The following ARFGEF2 variants were observed in gnomAD, a reference collection of about 807,000 sequenced individuals.
ARFGEF2 encodes brefeldin A-inhibited guanine nucleotide-exchange protein 2.
ARFGEF2 carries 74 observed loss-of-function variants against 219.9 expected under a neutral mutation model. That is an observed-to-expected ratio of 0.34 (90% CI 0.28 to 0.41). ARFGEF2 has a LOEUF of 0.41. Ranked by LOEUF, ARFGEF2 falls within the 10% of genes least tolerant of loss-of-function variation. ARFGEF2 has a pLI of 1.00. For missense variants in ARFGEF2, 1,743 were observed against 2,218.3 expected, an observed-to-expected ratio of 0.79 and a Z score of 4.30; for synonymous variants, 733 against 799.2, an observed-to-expected ratio of 0.92 and a Z score of 1.40.
At chr20:49,007,586 G>C (rs1415200996) in intron 26 of ARFGEF2, among the ~76,000 whole-genome samples, 1 of 142,210 alleles carries the variant, frequency 7.0e-6, no homozygotes, top group Non-Finnish European at 1.5e-5. Context: ...GCCACACCTG[G>C]TGTTGCTTTT....
Position 49,017,234 on chromosome 20 carries a change from T to C in ARFGEF2, c.4316-15T>C, listed in dbSNP as rs1232943893. The stretch of plus-strand genomic sequence containing the variant: ...GCAGTAGAAGTTTAATGATAGATAC[T>C]GCTTTATTTTACAGATAATGAACAG... On this transcript the variant is annotated splice_polypyrimidine_tract_variant and intron_variant, in intron 31 of 38. Transcript: ENST00000371917. 1 of 1,613,472 alleles carries C rather than the reference T, an allele frequency of 6.2e-7. No individual in the cohort carries two copies. The highest frequency in any genetic ancestry group is 8.5e-7 in the Non-Finnish European group (1 of 1,179,876).
At chr20:48,924,888 T>C (rs941610971) in intron 1 of ARFGEF2, among the ~76,000 whole-genome samples, 5 of 152,302 alleles carry the variant, frequency 3.3e-5, no homozygotes, top group African/African-American at 7.2e-5. Context: ...TTAATTGACA[T>C]GTGCAAAAAA....
intron 22 of ARFGEF2, 73 bp downstream of exon 22, chr20:48,994,671 T>G: frequency 6.3e-7 from 1 of 1,588,746 alleles, no homozygotes; most frequent in Non-Finnish European, 8.5e-7. Context: ...TCTTGTCTCA[T>G]CAGGACTGTC....
intron 1 of ARFGEF2, among the ~76,000 whole-genome samples, chr20:48,935,940 G>GGA (rs1268479926): frequency 7.3e-6 from 1 of 137,482 alleles, no homozygotes; most frequent in Non-Finnish European, 1.6e-5. Flanking sequence ...GGCTGGCCGG[G>GGA]GGGGGGGGCT....
chr20:48,970,085 C>T (rs796887715), intron 9 of ARFGEF2, among the ~76,000 whole-genome samples: 7 of 152,152 alleles, frequency 4.6e-5, no homozygotes, highest in South Asian at 4.1e-4. Context: ...GAGGCCAAGG[C>T]GGGTGGATCA....
Position 49,036,119 on chromosome 20 carries a change from G to A in ARFGEF2, c.*2920G>A. ...TGACCATCTCATTCAAATGTTTGTT[G>A]TTATGATGCAAATGGATATTGGTTT... On this transcript the variant is annotated 3_prime_UTR_variant, in exon 39 of 39. Coordinates refer to ENST00000371917, the MANE Select transcript of ARFGEF2 (RefSeq NM_006420.3). The A allele has an allele frequency of 2.5e-6, 1 of 398,160 alleles. No individual in the cohort carries two copies. Among genetic ancestry groups the A allele is most frequent in the Non-Finnish European group, 4.4e-6 (1 of 225,886 alleles). 24.7% of individuals were successfully genotyped at this position (398,160 alleles called of 1,614,324 possible).
chr20:48,971,510 TGGGCAG>T (rs142369993), intron 10 of ARFGEF2, among the ~76,000 whole-genome samples, 156 bp downstream of exon 10: 1 of 152,260 alleles, frequency 6.6e-6, no homozygotes, highest in African/African-American at 2.4e-5. Flanking sequence ...AACTCAGAAG[TGGGCAG>T]GGGCAGGGAG....
At chr20:48,996,415 A>G (rs994776622) in intron 23 of ARFGEF2, among the ~76,000 whole-genome samples, 1 of 147,266 alleles carries the variant, frequency 6.8e-6, no homozygotes, top group Non-Finnish European at 1.5e-5. Flanking sequence ...AGATGGTGCC[A>G]CTGCACTCTA....
chr20:49,016,516 A>G, intron 31 of ARFGEF2, 101 bp downstream of exon 31: 1 of 1,328,576 alleles, frequency 7.5e-7, no homozygotes, highest in Non-Finnish European at 1.1e-6. Context: ...CATGGAGTAC[A>G]ATATATAATT....
intron 21 of ARFGEF2, among the ~76,000 whole-genome samples, chr20:48,993,198 T>C (rs1392940082): frequency 6.6e-6 from 1 of 152,230 alleles, no homozygotes; most frequent in African/African-American, 2.4e-5. Context: ...AATATGAGGT[T>C]CCTGCTGCCA....
chr20:48,999,220 G>A (rs1292121466), intron 25 of ARFGEF2: 13 of 447,206 alleles, frequency 2.9e-5, no homozygotes, highest in East Asian at 7.2e-5. Flanking sequence ...CCTGGGTAAC[G>A]GAGCAAGACT....
chr20:48,968,525 C>G (rs1000591685), intron 8 of ARFGEF2, among the ~76,000 whole-genome samples: 5 of 151,906 alleles, frequency 3.3e-5, no homozygotes, highest in South Asian at 4.1e-4. Context: ...GTCTTAGCCT[C>G]CCAAGAAGCT....
At chr20:48,993,877 C>T (rs2091371252) in intron 21 of ARFGEF2, among the ~76,000 whole-genome samples, 1 of 152,148 alleles carries the variant, frequency 6.6e-6, no homozygotes, top group East Asian at 1.9e-4. Context: ...CTTAAGTGTT[C>T]AGCAGTGAAC....
At chr20:49,026,873 A>G (rs926307076) in intron 36 of ARFGEF2, among the ~76,000 whole-genome samples, 2 of 152,082 alleles carry the variant, frequency 1.3e-5, no homozygotes, top group Admixed American at 1.3e-4. Flanking sequence ...GGCATGAGCC[A>G]CTGCACCTGG....
intron 2 of ARFGEF2, among the ~76,000 whole-genome samples, chr20:48,941,536 T>C (rs1052966105): frequency 1.3e-5 from 2 of 152,186 alleles, no homozygotes; most frequent in African/African-American, 4.8e-5. Flanking sequence ...TCCTTAGGCA[T>C]GAGGACAGCT....
At chr20:48,983,057 G>A (rs1385159824) in intron 14 of ARFGEF2, among the ~76,000 whole-genome samples, 1 of 152,202 alleles carries the variant, frequency 6.6e-6, no homozygotes, top group Non-Finnish European at 1.5e-5. Context: ...TGGAAATGCA[G>A]AAATCACCGT....
rs769886100 is a variant in ARFGEF2, at chr20:48,952,811, T to C, written c.530T>C (p.Ile177Thr). Reference sequence around the variant, plus strand: ...ATCTATTTGGCCAGCAAAAATCTCATCAATCAAACCACTGCCAAGGCTACC... The same window carrying C: ...ATCTATTTGGCCAGCAAAAATCTCACCAATCAAACCACTGCCAAGGCTACC... ...YNIYLASKNL[I>T]NQTTAKATLT... is the part of the protein sequence containing the mutation. The change falls in exon 5 of 39, where the codon ATC becomes ACC. Residue 177 changes from isoleucine to threonine, a missense_variant. Transcript: ENST00000371917. 5.6e-6 allele frequency: 9 copies of C among 1,614,082 alleles called. No homozygotes were observed. In the African/African-American group the frequency reaches 1.1e-4, roughly 19 times the overall value.
chr20:48,950,325 C>G (rs148313013), intron 3 of ARFGEF2, among the ~76,000 whole-genome samples: 139 of 152,076 alleles, frequency 9.1e-4, no homozygotes, highest in Non-Finnish European at 1.7e-3. Flanking sequence ...AAAAGATGTA[C>G]TACAGAGTGT....
chr20:49,027,175 T>A (rs2091608740), intron 36 of ARFGEF2, among the ~76,000 whole-genome samples: 1 of 151,908 alleles, frequency 6.6e-6, no homozygotes, highest in Admixed American at 6.6e-5. Flanking sequence ...ACCTCTAGCC[T>A]CCTGGGTTCA....
Sources: allele counts gnomAD v4.1 joint callset (sites outside exome capture counted in the v4.1 genomes callset), GRCh38; gene constraint gnomAD v4.1.1; transcripts MANE v1.5; gene names NCBI Gene and HGNC (gene_info 2026-07-23, HGNC 2026-07-21).